TSHZ1: variants seen among roughly 807,000 people sequenced by gnomAD.
The protein encoded by TSHZ1 is teashirt homolog 1.
TSHZ1 carries 12 observed loss-of-function variants against 67.1 expected under a neutral mutation model. The observed-to-expected ratio is 0.18, with a 90% CI of 0.11 to 0.29. The LOEUF (loss-of-function observed/expected upper bound fraction) is 0.29, where lower values mean the gene tolerates loss of function less well. TSHZ1 is among the 10% of genes least tolerant of loss of function. TSHZ1 has a pLI of 1.00. For synonymous variants in TSHZ1, 632 were observed against 622.4 expected (o/e 1.02, Z -0.23); for missense variants, 1,305 against 1,413.9 (o/e 0.92, Z 1.23).
At chr18:75,269,350 T>C (rs915363289) in intron 1 of TSHZ1, among the ~76,000 whole-genome samples, 1 of 152,228 alleles carries the variant, frequency 6.6e-6, no homozygotes, top group Non-Finnish European at 1.5e-5. Flanking sequence ...CAAGGTCCAC[T>C]ACGATGTGGT....
At chr18:75,242,806 G>C (rs981032234) in intron 1 of TSHZ1, among the ~76,000 whole-genome samples, 1 of 152,260 alleles carries the variant, frequency 6.6e-6, no homozygotes, top group Non-Finnish European at 1.5e-5. Context: ...TGGCCATAAT[G>C]CATGGTGTTT....
rs1368886222 is a variant in TSHZ1 at position 75,286,428 on chromosome 18, G to A, written c.1021G>A (p.Val341Met). ...CCAGAAAGTGCCTCTGAAGGAGCCAGTGCCAGCCATCACCAAACTGGTCCC... is the reference window on the plus strand; with the variant it reads ...CCAGAAAGTGCCTCTGAAGGAGCCAATGCCAGCCATCACCAAACTGGTCCC... ...HYQKVPLKEP[V>M]PAITKLVPST... The change falls in exon 2 of 2, where the codon GTG (valine) becomes ATG (methionine). Residue 341 changes from valine (V) to methionine (M), a missense_variant. Transcript: ENST00000580243. The surrounding 1 kb of genome is among the most constrained non-coding windows in gnomAD (Gnocchi z 5.1). 6.2e-7 allele frequency: 1 copy of A among 1,614,172 alleles called. No individual in the cohort carries two copies. Among genetic ancestry groups the A allele is most frequent in the Admixed American group, 1.7e-5 (1 of 60,032 alleles).
Position 75,287,179 on chromosome 18 carries a change from C to G in TSHZ1, c.1772C>G (p.Pro591Arg). The G allele has an allele frequency of 6.2e-7, 1 of 1,613,738 alleles. No individual in the cohort carries two copies. Among genetic ancestry groups the G allele is most frequent in the Non-Finnish European group, 8.5e-7 (1 of 1,179,868 alleles). ...TACCAGCTCCCGGGCACCGTGAAGC[C>G]ACTGCCGGCGGCCGTGCAGAGCGTG... ...AAYQLPGTVK[P>R]LPAAVQSVQV... The change falls in exon 2 of 2, where the codon CCA becomes CGA. Residue 591 changes from proline to arginine, a missense_variant. Pro to Arg is a moderately radical substitution (Grantham distance 103). This residue lies in a region of TSHZ1 where 909 missense variants were observed against 961.8 expected (regional missense o/e 0.95). Transcript: ENST00000580243. The surrounding 1 kb of genome is among the most constrained non-coding windows in gnomAD (Gnocchi z 5.0).
chr18:75,239,890 G>T (rs551602453), intron 1 of TSHZ1, among the ~76,000 whole-genome samples: 4 of 152,206 alleles, frequency 2.6e-5, no homozygotes, highest in Non-Finnish European at 4.4e-5. Flanking sequence ...GGAGGTACGC[G>T]ATGGGTGTTG....
intron 1 of TSHZ1, among the ~76,000 whole-genome samples, chr18:75,270,996 C>T (rs569499243): frequency 6.6e-6 from 1 of 152,286 alleles, no homozygotes; most frequent in Non-Finnish European, 1.5e-5. Flanking sequence ...CAGCTGGTCT[C>T]AGTAAGAGAC....
intron 1 of TSHZ1, among the ~76,000 whole-genome samples, chr18:75,271,929 G>A (rs1288174301): frequency 6.6e-6 from 1 of 152,186 alleles, no homozygotes; most frequent in Non-Finnish European, 1.5e-5. Context: ...ATATGATCTA[G>A]CTGCCTTCCT....
At chr18:75,222,070 A>G (rs2122519783) in intron 1 of TSHZ1, among the ~76,000 whole-genome samples, 1 of 152,296 alleles carries the variant, frequency 6.6e-6, no homozygotes, top group African/African-American at 2.4e-5. Context: ...TATATGAAAC[A>G]CTAATATTCT....
At chr18:75,258,080 G>T (rs1212965796) in intron 1 of TSHZ1, among the ~76,000 whole-genome samples, 5 of 152,148 alleles carry the variant, frequency 3.3e-5, no homozygotes, top group African/African-American at 1.2e-4. Context: ...GCCGGCTGCT[G>T]CTCCTCTGTC....
intron 1 of TSHZ1, among the ~76,000 whole-genome samples, chr18:75,233,489 C>T (rs989446097): frequency 6.6e-6 from 1 of 152,088 alleles, no homozygotes; most frequent in African/African-American, 2.4e-5. Context: ...AGATGGATGC[C>T]GATGTTATGT....
intron 1 of TSHZ1, among the ~76,000 whole-genome samples, chr18:75,248,183 G>A (rs1007076227): frequency 6.6e-6 from 1 of 152,184 alleles, no homozygotes; most frequent in South Asian, 2.1e-4. Flanking sequence ...CTTTCATCAT[G>A]TTTATAGACA....
intron 1 of TSHZ1, among the ~76,000 whole-genome samples, chr18:75,248,572 C>T (rs1253826582): frequency 6.6e-6 from 1 of 152,036 alleles, no homozygotes; most frequent in Non-Finnish European, 1.5e-5. Context: ...TTTTGTAAAT[C>T]CAATTGACAG....
intron 1 of TSHZ1, among the ~76,000 whole-genome samples, chr18:75,277,985 A>G (rs752330533): frequency 6.6e-6 from 1 of 151,128 alleles, no homozygotes; most frequent in Non-Finnish European, 1.5e-5. Flanking sequence ...GGCTCCTACC[A>G]TGCTCTCCAG....
chr18:75,216,402 T>C (rs1361278954), intron 1 of TSHZ1, among the ~76,000 whole-genome samples: 2 of 152,192 alleles, frequency 1.3e-5, no homozygotes, highest in Non-Finnish European at 2.9e-5. Context: ...GGGTAATTTG[T>C]GATGAGCTCT....
Position 75,289,494 on chromosome 18 carries a change from A to G in TSHZ1, c.*853A>G, listed in dbSNP as rs1278974098. 6.0e-6 allele frequency: 1 copy of G among 167,076 alleles called. No homozygotes were observed. Among genetic ancestry groups the G allele is most frequent in the Non-Finnish European group, 1.5e-5 (1 of 68,124 alleles). 10.3% of individuals were successfully genotyped at this position (167,076 alleles called of 1,614,324 possible). On this transcript the variant is annotated 3_prime_UTR_variant, in exon 2 of 2. Coordinates refer to ENST00000580243, the MANE Select transcript of TSHZ1 (RefSeq NM_001308210.2). ...TTTCTATAGCGTGCTGCATTGGTAA[A>G]TGAAAAAAAATGGGGCAAACGTTGG...
rs767688904 is a variant in TSHZ1 at position 75,287,595 on chromosome 18, C to T, written c.2188C>T (p.Leu730=). 165 of 1,614,076 alleles carry T rather than the reference C, an allele frequency of 1.0e-4. No homozygotes were observed. The highest frequency in any genetic ancestry group is 1.3e-4 in the Non-Finnish European group (154 of 1,180,056). Residue 730 remains leucine, a synonymous_variant, in exon 2 of 2, where the codon CTG becomes TTG. Transcript: ENST00000580243. This position sits in a 1 kb window ranked among gnomAD's most constrained non-coding sequence, Gnocchi z 5.0. ...KAKVTNGCNN[L]GIIMDHSPEP... is the part of the protein sequence containing the mutation. ...AAAGGTCACCAACGGCTGTAACAACCTGGGGATCATCATGGACCACTCACC... is the reference window on the plus strand; with the variant it reads ...AAAGGTCACCAACGGCTGTAACAACTTGGGGATCATCATGGACCACTCACC...
rs2023682893 is a variant in TSHZ1, at chr18:75,281,374, G to C, written c.41-4074G>C. ...AAGTGTGCTGTTGTTTTGAGGAGGAGGGTGCTGGAGAGGGCGGTGGGGTGT... is the reference window on the plus strand; with the variant it reads ...AAGTGTGCTGTTGTTTTGAGGAGGACGGTGCTGGAGAGGGCGGTGGGGTGT... On this transcript the variant is annotated intron_variant, in intron 1 of 1. Coordinates refer to ENST00000580243, the MANE Select transcript of TSHZ1 (RefSeq NM_001308210.2). This position sits in a 1 kb window ranked among gnomAD's most constrained non-coding sequence, Gnocchi z 5.3. Among the ~76,000 whole-genome samples, 1 of 152,304 alleles carries C rather than the reference G, an allele frequency of 6.6e-6. No individual in the cohort carries two copies. Among genetic ancestry groups the C allele is most frequent in the South Asian group, 2.1e-4 (1 of 4,820 alleles).
chr18:75,266,897 C>T (rs2122589675), intron 1 of TSHZ1, among the ~76,000 whole-genome samples: 1 of 152,254 alleles, frequency 6.6e-6, no homozygotes, highest in Non-Finnish European at 1.5e-5. Flanking sequence ...TTAATCTGCA[C>T]TGTATTATGC....
At chr18:75,228,774 TC>T (rs1423008332) in intron 1 of TSHZ1, among the ~76,000 whole-genome samples, 6 of 152,176 alleles carry the variant, frequency 3.9e-5, no homozygotes, top group Admixed American at 6.5e-5. Context: ...GGTCCTCACA[TC>T]TCTAGTCCTT....
intron 1 of TSHZ1, among the ~76,000 whole-genome samples, chr18:75,249,522 G>A (rs2023268051): frequency 6.6e-6 from 1 of 151,832 alleles, no homozygotes; most frequent in Non-Finnish European, 1.5e-5. Flanking sequence ...TCTCACCCCT[G>A]AAGTAGGTAG....
Sources: gnomAD v4.1 joint callset for allele counts (sites outside exome capture counted in the v4.1 genomes callset) on GRCh38, gnomAD v4.1.1 for gene constraint, gnomAD v4.1.1 regional missense constraint, Gnocchi (gnomAD v3.1) non-coding constraint, MANE v1.5 for transcripts, NCBI Gene and HGNC (gene_info 2026-07-23, HGNC 2026-07-21) for gene names.